The following SYT2 variants were observed in gnomAD, a reference collection of about 807,000 sequenced individuals.
The protein encoded by SYT2 is synaptotagmin 2.
A neutral mutation model predicts 39.9 loss-of-function variants in SYT2; 15 were observed. The ratio of observed to expected loss-of-function variants is 0.38; its 90% CI spans 0.25 to 0.58. The LOEUF (loss-of-function observed/expected upper bound fraction) is 0.58. SYT2 is among the 20% of genes least tolerant of loss of function. The pLI, the probability that SYT2 is intolerant of heterozygous loss-of-function variation, is 0.70. For synonymous variants in SYT2, 181 were observed against 204.5 expected (o/e 0.89, Z 0.98); for missense variants, 389 against 530.3 (o/e 0.73, Z 2.62).
intron 1 of SYT2, among the ~76,000 whole-genome samples, chr1:202,654,189 C>G (rs564862459): frequency 1.3e-5 from 2 of 152,350 alleles, no homozygotes; most frequent in East Asian, 1.9e-4. Context: ...TTTCCCCAAA[C>G]GGTCTTCAGG....
At position 202,598,797 on chromosome 1, in the gene SYT2, C is replaced by G. The variant is rs974596968; in HGVS notation, c.1053+421G>C. On this transcript the variant is annotated intron_variant, in intron 8 of 8. Coordinates refer to ENST00000367268, the MANE Select transcript of SYT2 (RefSeq NM_177402.5). ...GAGGGAGAGAGGAGAGGAAGCAGAT[C>G]AGAGGAGTAGATGGGAAAGACCTAG... Among the ~76,000 whole-genome samples the G allele has an allele frequency of 2.3e-4, 35 of 152,094 alleles. 2 individuals carry two copies.
chr1:202,599,029 C>G lies in SYT2; in HGVS notation c.1053+189G>C, dbSNP rs111584646. On this transcript the variant is annotated intron_variant, in intron 8 of 8. Transcript: ENST00000367268. The surrounding 1 kb of genome is among the most constrained non-coding windows in gnomAD (Gnocchi z 4.4). ...TTTTTGAATTAGTTCATGTTTATCT[C>G]CTCAGAAAAGGGGGATCCCTGAAGC... Among the ~76,000 whole-genome samples the G allele has an allele frequency of 5.0e-3, 764 of 152,278 alleles. 8 individuals carry two copies. Among genetic ancestry groups the G allele is most frequent in the African/African-American group, 0.018 (729 of 41,556 alleles).
chr1:202,684,432 T>C (rs1476746695), intron 1 of SYT2, among the ~76,000 whole-genome samples: 1 of 152,178 alleles, frequency 6.6e-6, no homozygotes, highest in Non-Finnish European at 1.5e-5. Context: ...CATAATGTCC[T>C]CCAGGTTCAT....
chr1:202,645,704 T>C (rs115921281), intron 1 of SYT2, among the ~76,000 whole-genome samples: 1,966 of 152,308 alleles, frequency 0.013, 29 homozygotes, highest in African/African-American at 0.045. Context: ...GTGTTTAATG[T>C]CTATACTGCC....
chr1:202,648,529 A>C (rs1455391654), intron 1 of SYT2, among the ~76,000 whole-genome samples: 1 of 152,190 alleles, frequency 6.6e-6, no homozygotes, highest in Non-Finnish European at 1.5e-5. Flanking sequence ...CATACTGGTT[A>C]TTTAGTGCCT....
In SYT2 at chr1:202,628,743, A is replaced by G. The variant is rs1691488442; in HGVS notation, c.-17-22954T>C. Among the ~76,000 whole-genome samples the G allele has an allele frequency of 6.6e-6, 1 of 152,238 alleles. No homozygotes were observed. The highest frequency in any genetic ancestry group is 2.4e-5 in the African/African-American group (1 of 41,466). On this transcript the variant is annotated intron_variant, in intron 1 of 8. Transcript: ENST00000367268. The surrounding 1 kb of genome is among the most constrained non-coding windows in gnomAD (Gnocchi z 4.2). ...GAGAATTCCAAATTGGAAAGCCTCA[A>G]CTTGGAATTCTATGTGGATCCAAAC... is the stretch of plus-strand genomic sequence containing the variant.
At chr1:202,682,353 GT>G (rs1172036297) in intron 1 of SYT2, among the ~76,000 whole-genome samples, 1 of 152,134 alleles carries the variant, frequency 6.6e-6, no homozygotes, top group African/African-American at 2.4e-5. Context: ...TACCATCTAC[GT>G]GGGCATAAAC....
At chr1:202,625,370 G>GGT (rs1204696485) in intron 1 of SYT2, among the ~76,000 whole-genome samples, 1 of 148,108 alleles carries the variant, frequency 6.8e-6, no homozygotes, top group Non-Finnish European at 1.5e-5. Flanking sequence ...TGTGGTGTGT[G>GGT]GTGTGTGTGT....
intron 1 of SYT2, among the ~76,000 whole-genome samples, chr1:202,648,200 G>A (rs964330146): frequency 1.1e-4 from 17 of 152,328 alleles, no homozygotes; most frequent in East Asian, 5.8e-4. Flanking sequence ...CTGCTTATTT[G>A]TTTTGAGGCA....
chr1:202,674,702 C>T (rs1352197686), intron 1 of SYT2, among the ~76,000 whole-genome samples: 1 of 152,160 alleles, frequency 6.6e-6, no homozygotes, highest in Non-Finnish European at 1.5e-5. Flanking sequence ...ACTCCCATTG[C>T]ACTTGGTATG....
intron 1 of SYT2, among the ~76,000 whole-genome samples, chr1:202,700,761 ATTACT>A (rs1654102486): frequency 6.6e-6 from 1 of 152,222 alleles, no homozygotes; most frequent in African/African-American, 2.4e-5. Context: ...TCTGCAATAC[ATTACT>A]TTGATTGAAA....
At chr1:202,668,807 T>A (rs953452423) in intron 1 of SYT2, among the ~76,000 whole-genome samples, 1 of 152,138 alleles carries the variant, frequency 6.6e-6, no homozygotes, top group African/African-American at 2.4e-5. Flanking sequence ...CCATAAGGCA[T>A]CTCCTCAAAG....
chr1:202,640,778 G>T lies in SYT2; in HGVS notation c.-17-34989C>A, dbSNP rs939698481. On this transcript the variant is annotated intron_variant, in intron 1 of 8. Coordinates refer to ENST00000367268, the MANE Select transcript of SYT2 (RefSeq NM_177402.5). ...AGAGAGAGAGAGAGAGAGAGAGAGAGAGAGAGAGAGAGAGACAGACAGACA... is the reference window on the plus strand; with the variant it reads ...AGAGAGAGAGAGAGAGAGAGAGAGATAGAGAGAGAGAGAGACAGACAGACA... 3.8e-4 allele frequency among the ~76,000 whole-genome samples: 49 copies of T among 129,896 alleles called. No individual in the cohort carries two copies. The East Asian group carries it at 9.9e-3, about 26-fold the overall frequency. The allele number at this position is 129,896 out of a possible 152,430, so 85.2% of individuals were successfully genotyped here. A position where few individuals can be genotyped will look rare whatever the true frequency, so the allele number is the denominator to read the frequency against.
At chr1:202,670,400 T>C (rs1692566552) in intron 1 of SYT2, among the ~76,000 whole-genome samples, 3 of 152,298 alleles carry the variant, frequency 2.0e-5, no homozygotes, top group African/African-American at 4.8e-5. Context: ...CCCAGGGAGC[T>C]ACTGGCTGAA....
chr1:202,647,866 A>G (rs1246761530), intron 1 of SYT2, among the ~76,000 whole-genome samples: 1 of 151,316 alleles, frequency 6.6e-6, no homozygotes, highest in African/African-American at 2.4e-5. Context: ...CCATGGGAGC[A>G]GCAGCTCTTA....
chr1:202,668,311 G>A (rs749472025), intron 1 of SYT2, among the ~76,000 whole-genome samples: 7 of 152,014 alleles, frequency 4.6e-5, no homozygotes, highest in Non-Finnish European at 7.4e-5. Flanking sequence ...TTTTCATTAC[G>A]GTCTAAACCT....
At chr1:202,600,802 G>A (rs1451776277) in intron 6 of SYT2, among the ~76,000 whole-genome samples, 1 of 152,164 alleles carries the variant, frequency 6.6e-6, no homozygotes, top group African/African-American at 2.4e-5. Flanking sequence ...GGGAGGTTGG[G>A]AGTATGTTTG....
chr1:202,623,606 T>C lies in SYT2; in HGVS notation c.-17-17817A>G, dbSNP rs1046259892. Reference sequence around the variant, plus strand: ...TGATTGAGTGGGGACAGATGGAGGCTTGGGGACCAGCGGGCCCTGGGCTGC... The same window carrying C: ...TGATTGAGTGGGGACAGATGGAGGCCTGGGGACCAGCGGGCCCTGGGCTGC... On this transcript the variant is annotated intron_variant, in intron 1 of 8. Transcript: ENST00000367268. The surrounding 1 kb of genome is among the most constrained non-coding windows in gnomAD (Gnocchi z 4.2). Among the ~76,000 whole-genome samples, 1 of 152,200 alleles carries C rather than the reference T, an allele frequency of 6.6e-6. No individual in the cohort carries two copies. Among genetic ancestry groups the C allele is most frequent in the Non-Finnish European group, 1.5e-5 (1 of 68,020 alleles).
At position 202,599,833 on chromosome 1, in the gene SYT2, C is replaced by G. The variant is rs1276225554; in HGVS notation, c.920-482G>C. ...AAACGCGCTGGTTGGAGCCCATGCC[C>G]AGGGCTGATTCTCTGGGAAGGCAGC... On this transcript the variant is annotated intron_variant, in intron 7 of 8. Transcript: ENST00000367268. The surrounding 1 kb of genome is among the most constrained non-coding windows in gnomAD (Gnocchi z 4.4). Among the ~76,000 whole-genome samples, 1 of 152,242 alleles carries G rather than the reference C, an allele frequency of 6.6e-6. No homozygotes were observed. Among genetic ancestry groups the G allele is most frequent in the African/African-American group, 2.4e-5 (1 of 41,462 alleles).
Sources: allele counts gnomAD v4.1 joint callset (sites outside exome capture counted in the v4.1 genomes callset), GRCh38; gene constraint gnomAD v4.1.1; non-coding constraint Gnocchi (gnomAD v3.1); transcripts MANE v1.5; gene names NCBI Gene and HGNC (gene_info 2026-07-23, HGNC 2026-07-21).